ALK: variants seen among roughly 807,000 people sequenced by gnomAD.
ALK encodes ALK receptor tyrosine kinase, also known as ALK tyrosine kinase receptor.
Under a neutral mutation model 163.1 loss-of-function variants are expected in ALK, and 74 were observed. The ratio of observed to expected loss-of-function variants is 0.45; its 90% CI spans 0.38 to 0.55. The LOEUF (loss-of-function observed/expected upper bound fraction) is 0.55, where lower values mean the gene tolerates loss of function less well. ALK is among the 20% of genes least tolerant of loss of function. The pLI, the probability that ALK is intolerant of heterozygous loss-of-function variation, is 0.00. For missense variants in ALK, 2,063 were observed against 2,105.3 expected (o/e 0.98, Z 0.39); for synonymous variants, 960 against 843.2 (o/e 1.14, Z -2.40).
At chr2:29,492,664 T>A (rs1029953680) in intron 4 of ALK, among the ~76,000 whole-genome samples, 1 of 152,188 alleles carries the variant, frequency 6.6e-6, no homozygotes, top group African/African-American at 2.4e-5. Context: ...AGGAACTTCC[T>A]CCTGCTGTTC....
At chr2:29,316,469 ATT>A (rs1255682589) in intron 8 of ALK, among the ~76,000 whole-genome samples, 68 of 152,194 alleles carry the variant, frequency 4.5e-4, no homozygotes, top group African/African-American at 1.6e-3. Flanking sequence ...TGTTTAAGCT[ATT>A]GATCAACTCA....
intron 3 of ALK, among the ~76,000 whole-genome samples, chr2:29,622,882 C>T (rs959397843): frequency 6.6e-6 from 1 of 152,180 alleles, no homozygotes; most frequent in African/African-American, 2.4e-5. Flanking sequence ...TCCCCTGCAC[C>T]TCACTGCTCT....
In ALK at chr2:29,213,861, A is replaced by C. The variant is rs1279658613; in HGVS notation, c.3743+123T>G. On this transcript the variant is annotated intron_variant, in intron 24 of 28. Transcript: ENST00000389048. ...ACAAAGCTGAATCATCCTACATCCA[A>C]ATGGCTCTGGAGGGAGACCTAGTAT... The C allele has an allele frequency of 7.2e-6, 6 of 832,778 alleles. No individual in the cohort carries two copies. The Admixed American group carries it at 1.1e-4, about 16-fold the overall frequency. 51.6% of individuals were successfully genotyped at this position (832,778 alleles called of 1,614,324 possible). A position where few individuals can be genotyped will look rare whatever the true frequency, so the allele number is the denominator to read the frequency against.
chr2:29,529,948 G>A (rs137880968), intron 4 of ALK, among the ~76,000 whole-genome samples: 3 of 152,138 alleles, frequency 2.0e-5, no homozygotes, highest in Admixed American at 1.3e-4. Context: ...CCAGGTGGAC[G>A]TTGAGGCAGG....
intron 15 of ALK, among the ~76,000 whole-genome samples, chr2:29,231,859 A>G (rs62130596): frequency 0.12 from 17,673 of 152,222 alleles, 1,226 homozygotes; most frequent in African/African-American, 0.19. Context: ...GAGTCAAGTA[A>G]GAGATTTTCC....
intron 4 of ALK, among the ~76,000 whole-genome samples, chr2:29,455,745 C>A (rs1366465155): frequency 6.6e-6 from 1 of 152,218 alleles, no homozygotes. Flanking sequence ...TCAAAAGCTT[C>A]TATTTATAAC....
At chr2:29,501,138 C>A (rs1672164461) in intron 4 of ALK, among the ~76,000 whole-genome samples, 1 of 152,192 alleles carries the variant, frequency 6.6e-6, no homozygotes. Flanking sequence ...TCCTTCCAAG[C>A]CCTTCTGGAT....
At chr2:29,792,473 C>T (rs1162141979) in intron 1 of ALK, among the ~76,000 whole-genome samples, 1 of 152,010 alleles carries the variant, frequency 6.6e-6, no homozygotes, top group Non-Finnish European at 1.5e-5. Flanking sequence ...CAATAAAAGG[C>T]AGATAAAGTA....
chr2:29,796,310 C>T (rs142209070), intron 1 of ALK, among the ~76,000 whole-genome samples: 89 of 152,108 alleles, frequency 5.9e-4, no homozygotes, highest in Middle Eastern at 6.8e-3. Flanking sequence ...AAATACAGCA[C>T]GGATTTCCTC....
intron 3 of ALK, among the ~76,000 whole-genome samples, chr2:29,549,694 T>C (rs1330835628): frequency 6.6e-6 from 1 of 152,222 alleles, no homozygotes; most frequent in Non-Finnish European, 1.5e-5. Flanking sequence ...GTATTTCAGA[T>C]GAAAATTTAG....
At chr2:29,380,334 G>T (rs1280203562) in intron 5 of ALK, among the ~76,000 whole-genome samples, 1 of 152,014 alleles carries the variant, frequency 6.6e-6, no homozygotes, top group Admixed American at 6.6e-5. Context: ...TTGATCTCTT[G>T]ACCTCGTGAT....
chr2:29,684,668 C>T (rs552848705), intron 3 of ALK, among the ~76,000 whole-genome samples: 6 of 152,290 alleles, frequency 3.9e-5, no homozygotes, highest in African/African-American at 1.2e-4. Flanking sequence ...TAGGACAAAG[C>T]GGACACCCCA....
chr2:29,336,340 C>T (rs938478859), intron 5 of ALK, among the ~76,000 whole-genome samples: 1 of 152,158 alleles, frequency 6.6e-6, no homozygotes, highest in South Asian at 2.1e-4. Context: ...ATGACTCTCC[C>T]CTGAAGCCTT....
chr2:29,514,456 T>C (rs555858351), intron 4 of ALK, among the ~76,000 whole-genome samples: 1 of 152,120 alleles, frequency 6.6e-6, no homozygotes, highest in Admixed American at 6.5e-5. Context: ...ACAATGAGAA[T>C]TTCCTAGACC....
chr2:29,734,475 C>A (rs1309027677), intron 1 of ALK, among the ~76,000 whole-genome samples: 1 of 152,012 alleles, frequency 6.6e-6, no homozygotes, highest in African/African-American at 2.4e-5. Context: ...TATACATCGA[C>A]CAGAGGGAGA....
At chr2:29,626,451 C>T (rs76982348) in intron 3 of ALK, among the ~76,000 whole-genome samples, 1,908 of 152,308 alleles carry the variant, frequency 0.013, 17 homozygotes, top group Middle Eastern at 0.024. Flanking sequence ...CTCCCCTTTG[C>T]TCTTCCATCA....
chr2:29,306,342 T>C (rs986759995), intron 8 of ALK, among the ~76,000 whole-genome samples: 5 of 152,342 alleles, frequency 3.3e-5, no homozygotes, highest in Middle Eastern at 3.4e-3. Context: ...CTATGCTCTG[T>C]GTTCTTTCTA....
chr2:29,778,881 T>C (rs6754699), intron 1 of ALK, among the ~76,000 whole-genome samples: 149,393 of 152,206 alleles, frequency 0.98, 73,363 homozygotes, highest in East Asian at 1. Flanking sequence ...TAAGGCCGGG[T>C]GCGGTGGCTC....
intron 11 of ALK, among the ~76,000 whole-genome samples, chr2:29,271,166 G>A (rs1462140563): frequency 6.6e-6 from 1 of 152,190 alleles, no homozygotes; most frequent in Non-Finnish European, 1.5e-5. Context: ...TGGAAAGACA[G>A]GGTCTGAGGG....
Sources: allele counts gnomAD v4.1 joint callset (sites outside exome capture counted in the v4.1 genomes callset), GRCh38; gene constraint gnomAD v4.1.1; transcripts MANE v1.5; gene names NCBI Gene and HGNC (gene_info 2026-07-23, HGNC 2026-07-21).